Variants in ATOH1 observed in about 807,000 individuals in gnomAD.
The protein encoded by ATOH1 is transcription factor ATOH1.
In ATOH1, 9 loss-of-function variants were observed where a neutral mutation model predicts 20.7. The ratio of observed to expected loss-of-function variants is 0.44; its 90% CI spans 0.26 to 0.76. The LOEUF (loss-of-function observed/expected upper bound fraction) is 0.76. Among genes scored for constraint, ATOH1 ranks in the 30% least tolerant of loss-of-function variants. ATOH1 has a pLI of 0.20. For synonymous variants in ATOH1, 247 were observed against 214.3 expected, an observed-to-expected ratio of 1.15 and a Z score of -1.33; for missense variants, 516 against 479.3, an observed-to-expected ratio of 1.08 and a Z score of -0.71.
rs1735400123 is a variant in ATOH1 at position 93,829,511 on chromosome 4, G to T, written c.585G>T (p.Leu195=). ...VIPSFNNDKK[L]SKYETLQMAQ... is the part of the protein sequence containing the mutation. ...CGTCGTTCAACAACGACAAGAAGCT[G>T]TCCAAATATGAGACCCTGCAGATGG... Residue 195 remains leucine, a synonymous_variant, in exon 1 of 1, where the codon CTG becomes CTT. Coordinates refer to ENST00000306011, the MANE Select transcript of ATOH1 (RefSeq NM_005172.2). The surrounding 1 kb of genome is among the most constrained non-coding windows in gnomAD (Gnocchi z 4.5). 1 of 1,614,142 alleles carries T rather than the reference G, an allele frequency of 6.2e-7. No homozygotes were observed. The highest frequency in any genetic ancestry group is 8.5e-7 in the Non-Finnish European group (1 of 1,180,066).
At position 93,829,590 on chromosome 4, in the gene ATOH1, G is replaced by C; in HGVS notation, c.664G>C (p.Glu222Gln). The C allele has an allele frequency of 6.2e-7, 1 of 1,613,874 alleles. No individual in the cohort carries two copies. Among genetic ancestry groups the C allele is most frequent in the Non-Finnish European group, 8.5e-7 (1 of 1,179,916 alleles). The change falls in exon 1 of 1, where the codon GAA becomes CAA. Residue 222 changes from glutamate to glutamine, a missense_variant. Coordinates refer to ENST00000306011, the MANE Select transcript of ATOH1 (RefSeq NM_005172.2). The surrounding 1 kb of genome is among the most constrained non-coding windows in gnomAD (Gnocchi z 4.5). ...GCTGCTACAAACGCCCAGCGGAGGGGAACAGCCACCGCCGCCTCCAGCCTC... is the reference window on the plus strand; with the variant it reads ...GCTGCTACAAACGCCCAGCGGAGGGCAACAGCCACCGCCGCCTCCAGCCTC... The part of the protein sequence containing the change: ...SELLQTPSGG[E>Q]QPPPPPASCK...
In ATOH1 at chr4:93,829,912, A is replaced by C; in HGVS notation, c.986A>C (p.Lys329Thr). Residue 329 changes from lysine (K) to threonine (T), a missense_variant, in exon 1 of 1, where the codon AAA (lysine) becomes ACA (threonine). Physicochemically the swap from Lys to Thr is moderately conservative, Grantham distance 78. Coordinates refer to ENST00000306011, the MANE Select transcript of ATOH1 (RefSeq NM_005172.2). This position sits in a 1 kb window ranked among gnomAD's most constrained non-coding sequence, Gnocchi z 4.5. Reference sequence around the variant, plus strand: ...CAGCCAGTGCAGGAGGAAAACAGCAAAACTTCGCCTCGGTCCCACAGAAGC... The same window carrying C: ...CAGCCAGTGCAGGAGGAAAACAGCACAACTTCGCCTCGGTCCCACAGAAGC... ...ILQPVQEENS[K>T]TSPRSHRSDG... is the part of the protein sequence containing the mutation. The C allele has an allele frequency of 6.2e-7, 1 of 1,614,090 alleles. No individual in the cohort carries two copies. Among genetic ancestry groups the C allele is most frequent in the Non-Finnish European group, 8.5e-7 (1 of 1,180,018 alleles).
rs1735412771 is a variant in ATOH1 at position 93,829,975 on chromosome 4, C to T, written c.1049C>T (p.Ser350Leu). 2 of 1,599,412 alleles carry T rather than the reference C, an allele frequency of 1.3e-6. No homozygotes were observed. Among genetic ancestry groups the T allele is most frequent in the Non-Finnish European group, 1.7e-6 (2 of 1,172,608 alleles). ...EFSPHSHYSDSDEAS is the reference protein window; with the variant it reads ...EFSPHSHYSDLDEAS ...TCCCCCCATTCCCATTACAGTGACT[C>T]GGATGAGGCAAGTTAGGAAGGTGAC... Residue 350 changes from serine to leucine, a missense_variant, in exon 1 of 1, where the codon TCG (serine) becomes TTG (leucine). Transcript: ENST00000306011. This position sits in a 1 kb window ranked among gnomAD's most constrained non-coding sequence, Gnocchi z 4.5.
chr4:93,829,531 A>G lies in ATOH1; in HGVS notation c.605A>G (p.Gln202Arg). ...AAGCTGTCCAAATATGAGACCCTGCAGATGGCCCAAATCTACATCAACGCC... is the reference window on the plus strand; with the variant it reads ...AAGCTGTCCAAATATGAGACCCTGCGGATGGCCCAAATCTACATCAACGCC... ...DKKLSKYETL[Q>R]MAQIYINALS... The change falls in exon 1 of 1, where the codon CAG (glutamine) becomes CGG (arginine). Residue 202 changes from glutamine to arginine, a missense_variant. Transcript: ENST00000306011. This position sits in a 1 kb window ranked among gnomAD's most constrained non-coding sequence, Gnocchi z 4.5. 1 of 1,614,266 alleles carries G rather than the reference A, an allele frequency of 6.2e-7. No homozygotes were observed. Among genetic ancestry groups the G allele is most frequent in the African/African-American group, 1.3e-5 (1 of 75,072 alleles).
rs1362233190 is a variant in ATOH1 at position 93,829,326 on chromosome 4, G to T, written c.400G>T (p.Gly134Trp). ...VREQLCKLKG[G>W]VVVDELGCSR... ...GGAACAGCTGTGCAAGCTGAAAGGC[G>T]GGGTGGTGGTAGACGAGCTGGGCTG... The change falls in exon 1 of 1, where the codon GGG (glycine) becomes TGG (tryptophan). Residue 134 changes from glycine to tryptophan, a missense_variant. Physicochemically the swap from Gly to Trp is radical, Grantham distance 184. Coordinates refer to ENST00000306011, the MANE Select transcript of ATOH1 (RefSeq NM_005172.2). The surrounding 1 kb of genome is among the most constrained non-coding windows in gnomAD (Gnocchi z 4.5). 3 of 1,613,826 alleles carry T rather than the reference G, an allele frequency of 1.9e-6. No homozygotes were observed. The highest frequency in any genetic ancestry group is 2.7e-5 in the African/African-American group (2 of 74,938).
Position 93,829,431 on chromosome 4 carries a change from C to T in ATOH1, c.505C>T (p.Arg169Trp), listed in dbSNP as rs1195143881. 6.2e-7 allele frequency: 1 copy of T among 1,614,118 alleles called. No individual in the cohort carries two copies. Among genetic ancestry groups the T allele is most frequent in the African/African-American group, 1.3e-5 (1 of 74,944 alleles). ...ACGGCTAGCAGCCAACGCCAGGGAGCGGCGCAGGATGCATGGGCTGAACCA... is the reference window on the plus strand; with the variant it reads ...ACGGCTAGCAGCCAACGCCAGGGAGTGGCGCAGGATGCATGGGCTGAACCA... ...QRRLAANARE[R>W]RRMHGLNHAF... Residue 169 changes from arginine to tryptophan, a missense_variant, in exon 1 of 1, where the codon CGG becomes TGG. By Grantham distance (101) the Arg-to-Trp change is moderately radical. Coordinates refer to ENST00000306011, the MANE Select transcript of ATOH1 (RefSeq NM_005172.2). This position sits in a 1 kb window ranked among gnomAD's most constrained non-coding sequence, Gnocchi z 4.5.
At position 93,829,792 on chromosome 4, in the gene ATOH1, T is replaced by C. The variant is rs754504277; in HGVS notation, c.866T>C (p.Leu289Pro). Residue 289 changes from leucine to proline, a missense_variant, in exon 1 of 1, where the codon CTG (leucine) becomes CCG (proline). Coordinates refer to ENST00000306011, the MANE Select transcript of ATOH1 (RefSeq NM_005172.2). The surrounding 1 kb of genome is among the most constrained non-coding windows in gnomAD (Gnocchi z 4.5). ...PASAGGYSVQ[L>P]DALHFSTFED... ...TCTGCGGGAGGGTACTCGGTGCAGC[T>C]GGACGCTCTGCACTTCTCGACTTTC... 6.2e-7 allele frequency: 1 copy of C among 1,613,000 alleles called. No individual in the cohort carries two copies. The highest frequency in any genetic ancestry group is 8.5e-7 in the Non-Finnish European group (1 of 1,179,532).
Position 93,829,063 on chromosome 4 carries a change from A to G in ATOH1, c.137A>G (p.His46Arg), listed in dbSNP as rs1187546520. 1 of 1,613,854 alleles carries G rather than the reference A, an allele frequency of 6.2e-7. No homozygotes were observed. The highest frequency in any genetic ancestry group is 8.5e-7 in the Non-Finnish European group (1 of 1,179,970). The change falls in exon 1 of 1, where the codon CAT (histidine) becomes CGT (arginine). Residue 46 changes from histidine (H) to arginine (R), a missense_variant. His to Arg is a conservative substitution (Grantham distance 29, BLOSUM62 0). Transcript: ENST00000306011. This position sits in a 1 kb window ranked among gnomAD's most constrained non-coding sequence, Gnocchi z 4.5. The part of the protein sequence containing the change: ...QPPATLQARE[H>R]PVYPPELSLL... ...CCTGCAACTTTGCAGGCGAGAGAGC[A>G]TCCCGTCTACCCGCCTGAGCTGTCC...
In ATOH1 at chr4:93,829,038, C is replaced by A. The variant is rs1296038584; in HGVS notation, c.112C>A (p.Pro38Thr). The A allele has an allele frequency of 1.2e-6, 2 of 1,613,952 alleles. No homozygotes were observed. The highest frequency in any genetic ancestry group is 1.7e-6 in the Non-Finnish European group (2 of 1,179,996). ...GCAACCGCCGCCGCCGCCGCAGCCACCTGCAACTTTGCAGGCGAGAGAGCA... is the reference window on the plus strand; with the variant it reads ...GCAACCGCCGCCGCCGCCGCAGCCAACTGCAACTTTGCAGGCGAGAGAGCA... Reference protein sequence around the residue: ...LPQPPPPPQPPATLQAREHPV... With the variant: ...LPQPPPPPQPTATLQAREHPV... The change falls in exon 1 of 1, where the codon CCT becomes ACT. Residue 38 changes from proline (P) to threonine (T), a missense_variant. By Grantham distance (38) the Pro-to-Thr change is conservative. Transcript: ENST00000306011. This position sits in a 1 kb window ranked among gnomAD's most constrained non-coding sequence, Gnocchi z 4.5.
chr4:93,830,105 C>A lies in ATOH1; in HGVS notation c.*114C>A. On this transcript the variant is annotated 3_prime_UTR_variant, in exon 1 of 1. Coordinates refer to ENST00000306011, the MANE Select transcript of ATOH1 (RefSeq NM_005172.2). Reference sequence around the variant, plus strand: ...CCTTTAATTTTTGCTCTGCGATGGTCGTTGTTTAGCAACGACTTGGCTTCA... The same window carrying A: ...CCTTTAATTTTTGCTCTGCGATGGTAGTTGTTTAGCAACGACTTGGCTTCA... 3 of 1,438,394 alleles carry A rather than the reference C, an allele frequency of 2.1e-6. No homozygotes were observed. The highest frequency in any genetic ancestry group is 2.7e-6 in the Non-Finnish European group (3 of 1,097,712). The allele number at this position is 1,438,394 out of a possible 1,614,324, so 89.1% of individuals were successfully genotyped here.
Position 93,829,572 on chromosome 4 carries a change from CA to C in ATOH1, c.649del (p.Thr217ArgfsTer86), listed in dbSNP as rs1735401331. 1 of 1,614,102 alleles carries C rather than the reference CA, an allele frequency of 6.2e-7. No individual in the cohort carries two copies. The highest frequency in any genetic ancestry group is 1.3e-5 in the African/African-American group (1 of 74,954). On this transcript the variant is annotated frameshift_variant, in exon 1 of 1. Transcript: ENST00000306011. LOFTEE classifies it high-confidence loss of function. The surrounding 1 kb of genome is among the most constrained non-coding windows in gnomAD (Gnocchi z 4.5). Reference sequence around the variant, plus strand: ...CATCAACGCCTTGTCCGAGCTGCTACAAACGCCCAGCGGAGGGGAACAGCCA... The same window carrying C: ...CATCAACGCCTTGTCCGAGCTGCTACAACGCCCAGCGGAGGGGAACAGCCA... ...IYINALSELL[Q>X]TPSGGEQPPP...
At position 93,829,697 on chromosome 4, in the gene ATOH1, G is replaced by A. The variant is rs1214994817; in HGVS notation, c.771G>A (p.Gln257=). ...GAGNATAAGA[Q]QASGGSQRPT... ...GCAACGCGACCGCAGCTGGGGCTCA[G>A]CAGGCTTCCGGAGGGAGCCAGCGGC... Residue 257 remains glutamine, a synonymous_variant, in exon 1 of 1, where the codon CAG becomes CAA. Transcript: ENST00000306011. The surrounding 1 kb of genome is among the most constrained non-coding windows in gnomAD (Gnocchi z 4.5). The A allele has an allele frequency of 1.9e-6, 3 of 1,571,394 alleles. No individual in the cohort carries two copies. Among genetic ancestry groups the A allele is most frequent in the South Asian group, 1.2e-5 (1 of 82,822 alleles).
chr4:93,829,693 C>T lies in ATOH1; in HGVS notation c.767C>T (p.Ala256Val), dbSNP rs1216347309. ...GGAGNATAAGAQQASGGSQRP... is the reference protein window; with the variant it reads ...GGAGNATAAGVQQASGGSQRP... ...GCGGGCAACGCGACCGCAGCTGGGG[C>T]TCAGCAGGCTTCCGGAGGGAGCCAG... The change falls in exon 1 of 1, where the codon GCT becomes GTT. Residue 256 changes from alanine to valine, a missense_variant. Coordinates refer to ENST00000306011, the MANE Select transcript of ATOH1 (RefSeq NM_005172.2). This position sits in a 1 kb window ranked among gnomAD's most constrained non-coding sequence, Gnocchi z 4.5. The T allele has an allele frequency of 2.5e-6, 4 of 1,571,406 alleles. No individual in the cohort carries two copies. The highest frequency in any genetic ancestry group is 3.4e-6 in the Non-Finnish European group (4 of 1,160,534).
At position 93,829,355 on chromosome 4, in the gene ATOH1, C is replaced by G. The variant is rs1475590784; in HGVS notation, c.429C>G (p.Ser143Arg). The G allele has an allele frequency of 4.3e-6, 7 of 1,614,116 alleles. No homozygotes were observed. In the South Asian group the frequency reaches 7.7e-5, roughly 18 times the overall value. The change falls in exon 1 of 1, where the codon AGC becomes AGG. Residue 143 changes from serine to arginine, a missense_variant. By Grantham distance (110) the Ser-to-Arg change is moderately radical. Transcript: ENST00000306011. The surrounding 1 kb of genome is among the most constrained non-coding windows in gnomAD (Gnocchi z 4.5). ...TGGTGGTAGACGAGCTGGGCTGCAG[C>G]CGCCAACGGGCCCCTTCCAGCAAAC... ...GGVVVDELGCSRQRAPSSKQV... is the reference protein window; with the variant it reads ...GGVVVDELGCRRQRAPSSKQV...
In ATOH1 at chr4:93,829,489, C is replaced by G; in HGVS notation, c.563C>G (p.Ser188Trp). ...AFDQLRNVIPSFNNDKKLSKY... is the reference protein window; with the variant it reads ...AFDQLRNVIPWFNNDKKLSKY... ...GACCAGCTGCGCAATGTTATCCCGT[C>G]GTTCAACAACGACAAGAAGCTGTCC... Residue 188 changes from serine to tryptophan, a missense_variant, in exon 1 of 1, where the codon TCG (serine) becomes TGG (tryptophan). Coordinates refer to ENST00000306011, the MANE Select transcript of ATOH1 (RefSeq NM_005172.2). This position sits in a 1 kb window ranked among gnomAD's most constrained non-coding sequence, Gnocchi z 4.5. 6.2e-7 allele frequency: 1 copy of G among 1,614,270 alleles called. No homozygotes were observed. Among genetic ancestry groups the G allele is most frequent in the Non-Finnish European group, 8.5e-7 (1 of 1,180,056 alleles).
In ATOH1 at chr4:93,828,866, T is replaced by C. The variant is rs2110382475; in HGVS notation, c.-61T>C. Reference sequence around the variant, plus strand: ...AAGAGACCCGGAAAGGGCCTTTTTTTTGGTTGAGCTGGTGTCCCAGTGCTG... The same window carrying C: ...AAGAGACCCGGAAAGGGCCTTTTTTCTGGTTGAGCTGGTGTCCCAGTGCTG... On this transcript the variant is annotated 5_prime_UTR_variant, in exon 1 of 1. Coordinates refer to ENST00000306011, the MANE Select transcript of ATOH1 (RefSeq NM_005172.2). 4.7e-6 allele frequency: 7 copies of C among 1,490,048 alleles called. No homozygotes were observed. The highest frequency in any genetic ancestry group is 6.3e-6 in the Non-Finnish European group (7 of 1,119,584). The allele number at this position is 1,490,048 out of a possible 1,614,324, so 92.3% of individuals were successfully genotyped here. A position where few individuals can be genotyped will look rare whatever the true frequency, so the allele number is the denominator to read the frequency against.
At position 93,830,743 on chromosome 4, in the gene ATOH1, G is replaced by T. The variant is rs1164837084; in HGVS notation, c.*752G>T. The T allele has an allele frequency of 1.8e-5, 3 of 165,978 alleles. No homozygotes were observed. Among genetic ancestry groups the T allele is most frequent in the African/African-American group, 7.3e-5 (3 of 41,040 alleles). The allele number at this position is 165,978 out of a possible 1,614,324, so 10.3% of individuals were successfully genotyped here. A position where few individuals can be genotyped will look rare whatever the true frequency, so the allele number is the denominator to read the frequency against. On this transcript the variant is annotated 3_prime_UTR_variant, in exon 1 of 1. Coordinates refer to ENST00000306011, the MANE Select transcript of ATOH1 (RefSeq NM_005172.2). Reference sequence around the variant, plus strand: ...CTTTGCAAATGTTTGTTTAAAAAATGAAAAATTAAAAAAAATCTAGTAGTG... The same window carrying T: ...CTTTGCAAATGTTTGTTTAAAAAATTAAAAATTAAAAAAAATCTAGTAGTG...
Position 93,829,289 on chromosome 4 carries a change from G to T in ATOH1, c.363G>T (p.Pro121=). 6.2e-7 allele frequency: 1 copy of T among 1,610,200 alleles called. No homozygotes were observed. Among genetic ancestry groups the T allele is most frequent in the Non-Finnish European group, 8.5e-7 (1 of 1,177,524 alleles). Residue 121 remains proline (P), a synonymous_variant, in exon 1 of 1, where the codon CCG becomes CCT. Coordinates refer to ENST00000306011, the MANE Select transcript of ATOH1 (RefSeq NM_005172.2). The surrounding 1 kb of genome is among the most constrained non-coding windows in gnomAD (Gnocchi z 4.5). The part of the protein sequence containing the change: ...GGASSSKSPG[P]VKVREQLCKL... The stretch of plus-strand genomic sequence containing the variant: ...CCAGCAGCAGCAAGAGCCCCGGGCC[G>T]GTGAAAGTGCGGGAACAGCTGTGCA...
In ATOH1 at chr4:93,829,529, G is replaced by T. The variant is rs1455807120; in HGVS notation, c.603G>T (p.Leu201=). Residue 201 remains leucine, a synonymous_variant, in exon 1 of 1, where the codon CTG becomes CTT. Coordinates refer to ENST00000306011, the MANE Select transcript of ATOH1 (RefSeq NM_005172.2). This position sits in a 1 kb window ranked among gnomAD's most constrained non-coding sequence, Gnocchi z 4.5. ...AGAAGCTGTCCAAATATGAGACCCT[G>T]CAGATGGCCCAAATCTACATCAACG... ...NDKKLSKYET[L]QMAQIYINAL... 3 of 1,614,242 alleles carry T rather than the reference G, an allele frequency of 1.9e-6. No homozygotes were observed. The highest frequency in any genetic ancestry group is 2.5e-6 in the Non-Finnish European group (3 of 1,180,048).
Sources: gnomAD v4.1 joint callset for allele counts on GRCh38, gnomAD v4.1.1 for gene constraint, Gnocchi (gnomAD v3.1) non-coding constraint, MANE v1.5 for transcripts, NCBI Gene and HGNC (gene_info 2026-07-23, HGNC 2026-07-21) for gene names.